The following PPARGC1B variants were observed in gnomAD, a reference collection of about 807,000 sequenced individuals.
The protein encoded by PPARGC1B is PPARG coactivator 1 beta, also known as peroxisome proliferator-activated receptor gamma coactivator 1-beta.
A neutral mutation model predicts 101.6 loss-of-function variants in PPARGC1B; 34 were observed. The ratio of observed to expected loss-of-function variants is 0.33; its 90% CI spans 0.25 to 0.45. The LOEUF is 0.45. Ranked by LOEUF, PPARGC1B falls within the 20% of genes least tolerant of loss-of-function variation. The pLI is 1.00. For synonymous variants in PPARGC1B, 548 were observed against 539.3 expected, an observed-to-expected ratio of 1.02 and a Z score of -0.22; for missense variants, 1,234 against 1,317.6, an observed-to-expected ratio of 0.94 and a Z score of 0.98.
At chr5:149,797,869 C>T (rs1167489445) in intron 1 of PPARGC1B, among the ~76,000 whole-genome samples, 4 of 152,094 alleles carry the variant, frequency 2.6e-5, no homozygotes, top group East Asian at 3.8e-4. Context: ...TGCAGTGAGC[C>T]GAGATTGCAC....
intron 1 of PPARGC1B, among the ~76,000 whole-genome samples, chr5:149,736,401 A>G (rs1478274581): frequency 5.3e-5 from 8 of 152,024 alleles, no homozygotes; most frequent in Non-Finnish European, 4.4e-5. Context: ...GAGAAGCATA[A>G]TTCTTATTAG....
At chr5:149,792,731 G>A (rs184797166) in intron 1 of PPARGC1B, among the ~76,000 whole-genome samples, 32 of 151,976 alleles carry the variant, frequency 2.1e-4, no homozygotes, top group Middle Eastern at 6.8e-3. Flanking sequence ...GCCTTGTTCC[G>A]TAGTTGTATT....
At chr5:149,758,678 G>C (rs951751614) in intron 1 of PPARGC1B, among the ~76,000 whole-genome samples, 2 of 152,210 alleles carry the variant, frequency 1.3e-5, no homozygotes, top group African/African-American at 4.8e-5. Context: ...GATTCCAAGA[G>C]GGCTGAGGCC....
intron 1 of PPARGC1B, among the ~76,000 whole-genome samples, chr5:149,756,844 T>C (rs557992722): frequency 1.3e-5 from 2 of 152,244 alleles, no homozygotes; most frequent in South Asian, 4.1e-4. Flanking sequence ...GTGTGGTATG[T>C]GTCTTGTTCA....
intron 1 of PPARGC1B, chr5:149,732,922 G>A: frequency 2.5e-6 from 1 of 406,506 alleles, no homozygotes; most frequent in South Asian, 1.8e-5. Flanking sequence ...TCTCTGGCTG[G>A]GTGACCCCGG....
rs1011390318 is a variant in PPARGC1B at position 149,805,085 on chromosome 5, T to A, written c.79-15348T>A. Among the ~76,000 whole-genome samples the A allele has an allele frequency of 3.9e-5, 6 of 152,316 alleles. 1 individual carries two copies. Among genetic ancestry groups the A allele is most frequent in the East Asian group, 1.9e-4 (1 of 5,178 alleles). On this transcript the variant is annotated intron_variant, in intron 1 of 11. Transcript: ENST00000309241. ...TTGATGGGAGCTTCCTCCTTCGTGA[T>A]GTTGCCTGGGCTTCTGGAACCCAGG...
At chr5:149,797,078 A>G (rs1757248729) in intron 1 of PPARGC1B, among the ~76,000 whole-genome samples, 1 of 152,144 alleles carries the variant, frequency 6.6e-6, no homozygotes, top group East Asian at 1.9e-4. Context: ...GGAGTGACCC[A>G]CATCCCTCCT....
intron 1 of PPARGC1B, among the ~76,000 whole-genome samples, chr5:149,791,708 A>T (rs1329508906): frequency 1.3e-5 from 2 of 152,168 alleles, no homozygotes; most frequent in Non-Finnish European, 2.9e-5. Flanking sequence ...CTCTGCAAAT[A>T]GTCTTGCACA....
At chr5:149,789,684 C>T (rs1049114837) in intron 1 of PPARGC1B, among the ~76,000 whole-genome samples, 3 of 152,206 alleles carry the variant, frequency 2.0e-5, no homozygotes, top group African/African-American at 7.2e-5. Context: ...CCCAAGATCA[C>T]ACAGCTGCAG....
intron 1 of PPARGC1B, among the ~76,000 whole-genome samples, chr5:149,748,323 A>C (rs201264197): frequency 3.4e-5 from 5 of 148,788 alleles, no homozygotes; most frequent in East Asian, 2.0e-4. Flanking sequence ...ATATAGATAT[A>C]TCTATATATA....
chr5:149,833,233 G>A lies in PPARGC1B; in HGVS notation c.1160G>A (p.Arg387His), dbSNP rs368473285. Residue 387 changes from arginine (R) to histidine (H), a missense_variant, in exon 5 of 12, where the codon CGC becomes CAC. Transcript: ENST00000309241. The surrounding 1 kb of genome is among the most constrained non-coding windows in gnomAD (Gnocchi z 4.1). Reference protein sequence around the residue: ...PPKDSQASPGRPSSVEEVRIA... With the variant: ...PPKDSQASPGHPSSVEEVRIA... ...AAAGACAGTCAGGCCTCCCCTGGTC[G>A]CCCGTCCTCGGTGGAGGAGGTAAGG... The A allele has an allele frequency of 1.2e-5, 20 of 1,613,288 alleles. No individual in the cohort carries two copies. The highest frequency in any genetic ancestry group is 1.5e-5 in the Non-Finnish European group (18 of 1,180,012).
intron 1 of PPARGC1B, among the ~76,000 whole-genome samples, chr5:149,813,023 G>A (rs965042098): frequency 6.6e-6 from 1 of 152,186 alleles, no homozygotes; most frequent in Non-Finnish European, 1.5e-5. Context: ...CTTCCTAGAA[G>A]GTAAGTAGAG....
intron 1 of PPARGC1B, among the ~76,000 whole-genome samples, chr5:149,780,529 T>C (rs2113221127): frequency 6.6e-6 from 1 of 152,320 alleles, no homozygotes; most frequent in African/African-American, 2.4e-5. Flanking sequence ...CCTTGTTGAT[T>C]TGATGATCTG....
rs749948044 is a variant in PPARGC1B, at chr5:149,847,582, T to C, written c.*24T>C. The C allele has an allele frequency of 1.4e-6, 2 of 1,480,852 alleles. No individual in the cohort carries two copies. The highest frequency in any genetic ancestry group is 4.5e-5 in the East Asian group (2 of 44,236). The allele number at this position is 1,480,852 out of a possible 1,614,324, so 91.7% of individuals were successfully genotyped here. ...GATAACAGCCTTAACCCTCGAGGAA[T>C]ACCTCAATACCTCAGACAAGGCCCT... On this transcript the variant is annotated 3_prime_UTR_variant, in exon 12 of 12. Coordinates refer to ENST00000309241, the MANE Select transcript of PPARGC1B (RefSeq NM_133263.4).
intron 7 of PPARGC1B, among the ~76,000 whole-genome samples, chr5:149,835,958 CTTTTTTTTTTTT>C (rs1202446844): frequency 7.8e-6 from 1 of 128,062 alleles, no homozygotes; most frequent in East Asian, 2.3e-4. Flanking sequence ...TTTTTTTTTT[CTTTTTTTTTTTT>C]TTTTTGAGAC....
In PPARGC1B at chr5:149,741,626, C is replaced by CTTT. The variant is rs11332172; in HGVS notation, c.78+11220_78+11222dup. Among the ~76,000 whole-genome samples, 7 of 139,486 alleles carry CTTT rather than the reference C, an allele frequency of 5.0e-5. No homozygotes were observed. In the South Asian group the frequency reaches 1.2e-3, roughly 23 times the overall value. The allele number at this position is 139,486 out of a possible 152,430, so 91.5% of individuals were successfully genotyped here. A position where few individuals can be genotyped will look rare whatever the true frequency, so the allele number is the denominator to read the frequency against. On this transcript the variant is annotated intron_variant, in intron 1 of 11. Coordinates refer to ENST00000309241, the MANE Select transcript of PPARGC1B (RefSeq NM_133263.4). ...TGCAAGAGCACAGCCCCAAAATATT[C>CTTT]TTTTTTTTTTTTTTTTCGTGAGACA...
rs1759120414 is a variant in PPARGC1B at position 149,837,018 on chromosome 5, A to G, written c.2563A>G (p.Ser855Gly). Reference protein sequence around the residue: ...NRQLCSRSRSSSGSSPCHSWS... With the variant: ...NRQLCSRSRSGSGSSPCHSWS... ...GCAGCTCTGTTCCCGCAGCCGCTCA[A>G]GCTCTGGCTCTTCACCCTGCCACTC... is the stretch of plus-strand genomic sequence containing the variant. Residue 855 changes from serine (S) to glycine (G), a missense_variant, in exon 8 of 12, where the codon AGC becomes GGC. By Grantham distance (56) the Ser-to-Gly change is moderately conservative. Coordinates refer to ENST00000309241, the MANE Select transcript of PPARGC1B (RefSeq NM_133263.4). The surrounding 1 kb of genome is among the most constrained non-coding windows in gnomAD (Gnocchi z 4.2). 1.2e-6 allele frequency: 2 copies of G among 1,613,760 alleles called. No individual in the cohort carries two copies. Among genetic ancestry groups the G allele is most frequent in the East Asian group, 2.2e-5 (1 of 44,894 alleles).
chr5:149,811,397 T>C (rs1757853976), intron 1 of PPARGC1B, among the ~76,000 whole-genome samples: 1 of 152,256 alleles, frequency 6.6e-6, no homozygotes, highest in Admixed American at 6.5e-5. Context: ...CTTTATTGAA[T>C]CCTTCCACAG....
chr5:149,831,730 C>G lies in PPARGC1B; in HGVS notation c.582+847C>G, dbSNP rs144361291. Among the ~76,000 whole-genome samples, 456 of 152,266 alleles carry G rather than the reference C, an allele frequency of 3.0e-3. 3 individuals carry two copies. Among genetic ancestry groups the G allele is most frequent in the African/African-American group, 0.01 (433 of 41,548 alleles). On this transcript the variant is annotated intron_variant, in intron 4 of 11. Coordinates refer to ENST00000309241, the MANE Select transcript of PPARGC1B (RefSeq NM_133263.4). ...ATCTGACAGCCATTGCTAGAAAGTC[C>G]CAGCACAACGATGAGTCACACTTGG... is the stretch of plus-strand genomic sequence containing the variant.
Sources: allele counts gnomAD v4.1 joint callset (sites outside exome capture counted in the v4.1 genomes callset), GRCh38; gene constraint gnomAD v4.1.1; non-coding constraint Gnocchi (gnomAD v3.1); transcripts MANE v1.5; gene names NCBI Gene and HGNC (gene_info 2026-07-23, HGNC 2026-07-21).